The following AFF3 variants were observed in gnomAD, a reference collection of about 807,000 sequenced individuals.
The protein encoded by AFF3 is ALF transcription elongation factor 3.
Under a neutral mutation model 129.7 loss-of-function variants are expected in AFF3, and 32 were observed. That is an observed-to-expected ratio of 0.25 (90% CI 0.19 to 0.33). The LOEUF (loss-of-function observed/expected upper bound fraction) is 0.33. Among genes scored for constraint, AFF3 ranks in the 10% least tolerant of loss-of-function variants. AFF3 has a pLI of 1.00. For missense variants in AFF3, 1,373 were observed against 1,592.0 expected (o/e 0.86, Z 2.34); for synonymous variants, 644 against 635.4 (o/e 1.01, Z -0.20).
chr2:100,108,540 T>C (rs977848046), intron 2 of AFF3, among the ~76,000 whole-genome samples: 9 of 152,074 alleles, frequency 5.9e-5, no homozygotes, highest in Non-Finnish European at 1.0e-4. Flanking sequence ...GCCTGTCCAC[T>C]GTCCTAGGGA....
At chr2:99,556,825 G>C (rs1674970103) in intron 22 of AFF3, among the ~76,000 whole-genome samples, 1 of 152,030 alleles carries the variant, frequency 6.6e-6, no homozygotes, top group South Asian at 2.1e-4. Context: ...GGGAGGCTGA[G>C]GTGGGAGGAC....
Position 100,077,688 on chromosome 2 carries a change from T to C in AFF3, c.53+26714A>G, listed in dbSNP as rs188064708. ...AGTTTGGGGAAGTGGAGGGAGGAAATCTAGCTAATACCCAAATTCTCTTTC... is the reference window on the plus strand; with the variant it reads ...AGTTTGGGGAAGTGGAGGGAGGAAACCTAGCTAATACCCAAATTCTCTTTC... On this transcript the variant is annotated intron_variant, in intron 4 of 24. Transcript: ENST00000672756. Among the ~76,000 whole-genome samples, 7 of 152,266 alleles carry C rather than the reference T, an allele frequency of 4.6e-5. No homozygotes were observed. The East Asian group carries it at 1.3e-3, about 29-fold the overall frequency.
At chr2:99,822,718 G>C (rs1199188460) in intron 8 of AFF3, among the ~76,000 whole-genome samples, 3 of 152,100 alleles carry the variant, frequency 2.0e-5, no homozygotes, top group Non-Finnish European at 4.4e-5. Flanking sequence ...TTTGAAACAT[G>C]CTAGGAATCT....
rs567729905 is a variant in AFF3, at chr2:100,080,465, T to A, written c.53+23937A>T. ...AACAAACAAACAAACAAACAAAAAC[T>A]CTATGCAGATTTGTCACCTCTCTTA... is the stretch of plus-strand genomic sequence containing the variant. On this transcript the variant is annotated intron_variant, in intron 4 of 24. Transcript: ENST00000672756. 1.5e-3 allele frequency among the ~76,000 whole-genome samples: 228 copies of A among 151,934 alleles called. 3 individuals are homozygous for A. Among genetic ancestry groups the A allele is most frequent in the African/African-American group, 5.3e-3 (220 of 41,270 alleles).
At chr2:99,888,327 A>C (rs1693273948) in intron 7 of AFF3, among the ~76,000 whole-genome samples, 1 of 152,248 alleles carries the variant, frequency 6.6e-6, no homozygotes, top group Non-Finnish European at 1.5e-5. Flanking sequence ...AATGAATAAA[A>C]ACTGTTAATT....
intron 4 of AFF3, among the ~76,000 whole-genome samples, chr2:100,039,880 T>C (rs1415473443): frequency 6.6e-6 from 1 of 152,184 alleles, no homozygotes; most frequent in Non-Finnish European, 1.5e-5. Context: ...TAATTTTCCA[T>C]TGTTCTCTCT....
chr2:99,552,616 C>T lies in AFF3; in HGVS notation c.3560-1021G>A, dbSNP rs182801884. ...GAAGTGTCTCAAAGGTCCTCACATA[C>T]ATGCTGAATGAAGACTTGCTGGGGC... On this transcript the variant is annotated intron_variant, in intron 24 of 24. Transcript: ENST00000672756. Among the ~76,000 whole-genome samples, 4 of 152,294 alleles carry T rather than the reference C, an allele frequency of 2.6e-5. No homozygotes were observed. In the East Asian group the frequency reaches 7.7e-4, roughly 29 times the overall value.
intron 7 of AFF3, among the ~76,000 whole-genome samples, chr2:99,964,420 T>C (rs1559015831): frequency 1.3e-5 from 2 of 152,158 alleles, no homozygotes; most frequent in South Asian, 4.1e-4. Context: ...CTCTAGATCA[T>C]AACAAAATCA....
Position 100,008,886 on chromosome 2 carries a change from T to C in AFF3, c.100A>G (p.Arg34Gly). ...TCCTGTTGAGTTTCTTGATTTCTTC[T>C]TTCTCGTTCTTTCCTCCGTAATGCA... ...RNALRRKERE[R>G]RNQETQQDDG... Residue 34 changes from arginine (R) to glycine (G), a missense_variant, in exon 5 of 25, where the codon AGA becomes GGA. This residue lies in a region of AFF3 where 255 missense variants were observed against 256.0 expected (regional missense o/e 1.00). Transcript: ENST00000672756. The C allele has an allele frequency of 6.2e-7, 1 of 1,614,048 alleles. No homozygotes were observed. The highest frequency in any genetic ancestry group is 1.1e-5 in the South Asian group (1 of 91,004).
Position 99,917,512 on chromosome 2 carries a change from G to A in AFF3, c.874-79988C>T, listed in dbSNP as rs142319003. ...TTCTGCCCTTGCTTCCTGTGTGCTC[G>A]CCTTGTCTCCCTCTAAGAGTTTAGA... On this transcript the variant is annotated intron_variant, in intron 7 of 24. Transcript: ENST00000672756. 2.7e-3 allele frequency among the ~76,000 whole-genome samples: 408 copies of A among 152,242 alleles called. 6 individuals are homozygous for A. The highest frequency in any genetic ancestry group is 9.4e-3 in the African/African-American group (389 of 41,548).
At chr2:99,642,842 T>A (rs1316096181) in intron 13 of AFF3, among the ~76,000 whole-genome samples, 1 of 152,140 alleles carries the variant, frequency 6.6e-6, no homozygotes, top group Non-Finnish European at 1.5e-5. Flanking sequence ...TTCTCATCTG[T>A]AAAATGGGCC....
intron 8 of AFF3, among the ~76,000 whole-genome samples, chr2:99,790,956 C>T (rs935891725): frequency 1.3e-4 from 20 of 152,182 alleles, no homozygotes; most frequent in African/African-American, 4.3e-4. Flanking sequence ...TAGAATGGAA[C>T]GCTTCTCAGC....
In AFF3 at chr2:100,016,590, ATGGTGG is replaced by A. The variant is rs530009820; in HGVS notation, c.54-7664_54-7659del. 9.9e-3 allele frequency among the ~76,000 whole-genome samples: 896 copies of A among 90,484 alleles called. 23 individuals are homozygous for A. Among genetic ancestry groups the A allele is most frequent in the African/African-American group, 0.037 (838 of 22,912 alleles). 59.4% of individuals were successfully genotyped at this position (90,484 alleles called of 152,430 possible). On this transcript the variant is annotated intron_variant, in intron 4 of 24. Transcript: ENST00000672756. ...GGTGAACATGTTAGTGACAGTAGTG[ATGGTGG>A]TGGTGGTAGTGGTGGTAATGGTGAT...
chr2:99,809,146 A>C (rs1415909923), intron 8 of AFF3, among the ~76,000 whole-genome samples: 7 of 152,254 alleles, frequency 4.6e-5, no homozygotes, highest in Non-Finnish European at 8.8e-5. Context: ...TGACTTTAAA[A>C]AATTTTCTTT....
At chr2:100,010,206 T>A (rs1474721832) in intron 4 of AFF3, among the ~76,000 whole-genome samples, 1 of 152,190 alleles carries the variant, frequency 6.6e-6, no homozygotes, top group East Asian at 1.9e-4. Flanking sequence ...ATATTGCTAA[T>A]AAAATATTGT....
chr2:99,830,378 A>T (rs1382401431), intron 8 of AFF3, among the ~76,000 whole-genome samples: 1 of 152,252 alleles, frequency 6.6e-6, no homozygotes, highest in Non-Finnish European at 1.5e-5. Context: ...CTGCAGTTGC[A>T]GTGGTGGTGG....
chr2:99,883,312 A>G (rs1411207868), intron 7 of AFF3, among the ~76,000 whole-genome samples: 2 of 152,224 alleles, frequency 1.3e-5, no homozygotes, highest in African/African-American at 4.8e-5. Flanking sequence ...AGGTTTTCTG[A>G]AAAAAATTCC....
chr2:99,784,131 G>A (rs375622459), intron 8 of AFF3, among the ~76,000 whole-genome samples: 13 of 152,316 alleles, frequency 8.5e-5, no homozygotes, highest in South Asian at 2.1e-4. Flanking sequence ...GTGATTAGCA[G>A]GGGGGTTAAG....
Position 99,672,626 on chromosome 2 carries a change from ATAGT to A in AFF3, c.1092-41_1092-38del, listed in dbSNP as rs376961044. ...AACAAAGAGGTACAAAGAGGTACAG[ATAGT>A]TAGTGGATTCAGAATAATTCAGCAC... On this transcript the variant is annotated intron_variant, in intron 11 of 24. Transcript: ENST00000672756. The A allele has an allele frequency of 3.9e-4, 615 of 1,596,100 alleles. 8 individuals carry two copies. The South Asian group carries it at 6.4e-3, about 17-fold the overall frequency.
Sources: gnomAD v4.1 joint callset for allele counts (sites outside exome capture counted in the v4.1 genomes callset) on GRCh38, gnomAD v4.1.1 for gene constraint, gnomAD v4.1.1 regional missense constraint, MANE v1.5 for transcripts, NCBI Gene and HGNC (gene_info 2026-07-23, HGNC 2026-07-21) for gene names.